HEXB: variants seen among roughly 807,000 people sequenced by gnomAD.
HEXB encodes the protein hexosaminidase subunit beta.
HEXB carries 51 observed loss-of-function variants against 71.2 expected under a neutral mutation model. The observed-to-expected ratio is 0.72, with a 90% CI of 0.57 to 0.90. The LOEUF (loss-of-function observed/expected upper bound fraction) is 0.90, where lower values mean the gene tolerates loss of function less well. Ranked by LOEUF, HEXB falls within the 40% of genes least tolerant of loss-of-function variation. The pLI, the probability that HEXB is intolerant of heterozygous loss-of-function variation, is 0.00. For synonymous variants in HEXB, 266 were observed against 249.3 expected (o/e 1.07, Z -0.63); for missense variants, 617 against 677.0 (o/e 0.91, Z 0.98).
intron 2 of HEXB, among the ~76,000 whole-genome samples, chr5:74,693,005 A>G (rs1451480117): frequency 6.6e-6 from 1 of 152,220 alleles, no homozygotes; most frequent in Non-Finnish European, 1.5e-5. Context: ...TGAGTGGGAC[A>G]AAGCTGAATT....
intron 1 of HEXB, among the ~76,000 whole-genome samples, chr5:74,668,233 T>C (rs760895878): frequency 6.3e-4 from 46 of 72,950 alleles, no homozygotes; most frequent in Admixed American, 2.3e-3. Flanking sequence ...GTTTTGTTTG[T>C]GTGTGTGTGT....
chr5:74,687,824 A>G (rs1748907790), intron 1 of HEXB, among the ~76,000 whole-genome samples: 1 of 152,116 alleles, frequency 6.6e-6, no homozygotes, highest in African/African-American at 2.4e-5. Context: ...ACCTACATCC[A>G]TTCCATTCTC....
chr5:74,713,997 C>T (rs1441384064), intron 7 of HEXB, among the ~76,000 whole-genome samples: 2 of 152,132 alleles, frequency 1.3e-5, no homozygotes, highest in Non-Finnish European at 2.9e-5. Flanking sequence ...CCCGCCACCA[C>T]GCTAATTTTT....
chr5:74,698,464 T>C (rs1243821372), intron 5 of HEXB, among the ~76,000 whole-genome samples: 1 of 151,756 alleles, frequency 6.6e-6, no homozygotes, highest in Non-Finnish European at 1.5e-5. Flanking sequence ...CAATCTTGGC[T>C]CACTGCAACC....
Position 74,652,660 on chromosome 5 carries a change from C to T in HEXB, c.-377+12102C>T, listed in dbSNP as rs1437863793. Among the ~76,000 whole-genome samples, 1 of 152,170 alleles carries T rather than the reference C, an allele frequency of 6.6e-6. No individual in the cohort carries two copies. The highest frequency in any genetic ancestry group is 2.4e-5 in the African/African-American group (1 of 41,454). ...TAAGGGATTCCCTCCCTTACCCCCA[C>T]TACCCCCAGGATTGTGTCCAAGTTC... is the stretch of plus-strand genomic sequence containing the variant. On this transcript the variant is annotated intron_variant, in intron 1 of 13. Coordinates refer to the HEXB transcript ENST00000511181. This position sits in a 1 kb window ranked among gnomAD's most constrained non-coding sequence, Gnocchi z 5.4.
chr5:74,690,649 C>CAAAA (rs60786265), intron 2 of HEXB, among the ~76,000 whole-genome samples: 11 of 59,700 alleles, frequency 1.8e-4, no homozygotes, highest in Admixed American at 4.8e-4. Context: ...GAGACAGTCT[C>CAAAA]AAAAAAAAAA....
intron 1 of HEXB, among the ~76,000 whole-genome samples, chr5:74,672,503 A>G (rs932484467): frequency 2.0e-5 from 3 of 152,168 alleles, no homozygotes; most frequent in Admixed American, 6.5e-5. Flanking sequence ...GCTATAGACC[A>G]CACTGAATGC....
intron 1 of HEXB, among the ~76,000 whole-genome samples, chr5:74,647,232 T>C (rs964598442): frequency 1.9e-4 from 29 of 152,234 alleles, no homozygotes; most frequent in East Asian, 1.7e-3. Context: ...CAATTGACCG[T>C]TGTTTGAAGC....
At chr5:74,670,317 C>G (rs1179257998) in intron 1 of HEXB, among the ~76,000 whole-genome samples, 1 of 151,968 alleles carries the variant, frequency 6.6e-6, no homozygotes, top group Non-Finnish European at 1.5e-5. Context: ...TGGACTCAGC[C>G]ACACTGAGAG....
intron 6 of HEXB, among the ~76,000 whole-genome samples, chr5:74,710,840 A>G (rs1244391568): frequency 8.5e-5 from 13 of 152,232 alleles, no homozygotes; most frequent in African/African-American, 3.1e-4. Context: ...AATCAATATC[A>G]TGAAAATGGC....
intron 3 of HEXB, among the ~76,000 whole-genome samples, chr5:74,695,136 G>C (rs1308920846): frequency 6.6e-6 from 1 of 150,872 alleles, no homozygotes; most frequent in Non-Finnish European, 1.5e-5. Flanking sequence ...TATAATATTA[G>C]TGATTTTAAG....
intron 1 of HEXB, among the ~76,000 whole-genome samples, chr5:74,648,379 A>T (rs1160576403): frequency 6.6e-6 from 1 of 152,226 alleles, no homozygotes; most frequent in East Asian, 1.9e-4. Context: ...TATTAGTCAA[A>T]GTAGTAAACA....
chr5:74,721,046 C>CAATCT lies in HEXB; in HGVS notation c.1614-69_1614-65dup, dbSNP rs141358769. On this transcript the variant is annotated intron_variant, in intron 13 of 13. Coordinates refer to ENST00000261416, the MANE Select transcript of HEXB (RefSeq NM_000521.4). ...TAAGTTTCTAAGATGACATGAATATCAATCTAAAATATCTTTATGAATGAT... is the reference window on the plus strand; with the variant it reads ...TAAGTTTCTAAGATGACATGAATATCAATCTAATCTAAAATATCTTTATGAATGAT... The CAATCT allele has an allele frequency of 3.9e-3, 4,694 of 1,202,750 alleles. 19 individuals are homozygous for CAATCT. Among genetic ancestry groups the CAATCT allele is most frequent in the Non-Finnish European group, 4.3e-3 (3,518 of 820,954 alleles). 74.5% of individuals were successfully genotyped at this position (1,202,750 alleles called of 1,614,324 possible). A position where few individuals can be genotyped will look rare whatever the true frequency, so the allele number is the denominator to read the frequency against.
At chr5:74,661,242 C>T (rs535486888) in intron 1 of HEXB, among the ~76,000 whole-genome samples, 2 of 152,220 alleles carry the variant, frequency 1.3e-5, no homozygotes, top group African/African-American at 4.8e-5. Context: ...GAACATAAAT[C>T]GAAATCCACA....
chr5:74,706,463 G>A (rs1580389697), intron 6 of HEXB, among the ~76,000 whole-genome samples: 2 of 152,318 alleles, frequency 1.3e-5, no homozygotes, highest in South Asian at 2.1e-4. Context: ...TGGGTGCAGC[G>A]CATCATGCGC....
At chr5:74,671,612 T>C (rs373397465) in intron 1 of HEXB, among the ~76,000 whole-genome samples, 1 of 152,178 alleles carries the variant, frequency 6.6e-6, no homozygotes, top group East Asian at 1.9e-4. Context: ...CAATATCTGA[T>C]TGTGGCAATG....
chr5:74,713,677 T>C (rs759294982), intron 7 of HEXB, 42 bp downstream of exon 7: 1 of 1,545,770 alleles, frequency 6.5e-7, no homozygotes, highest in Non-Finnish European at 8.9e-7. Flanking sequence ...TATTTTTTAT[T>C]TTTTGAGATG....
chr5:74,677,326 T>C (rs1304572054), intron 1 of HEXB, among the ~76,000 whole-genome samples: 1 of 152,184 alleles, frequency 6.6e-6, no homozygotes, highest in African/African-American at 2.4e-5. Context: ...CTTGCCTCTC[T>C]GGGCCTGCAG....
chr5:74,690,512 C>T (rs1338339376), intron 2 of HEXB, among the ~76,000 whole-genome samples: 2 of 151,646 alleles, frequency 1.3e-5, no homozygotes, highest in Non-Finnish European at 2.9e-5. Context: ...GTTAGCCAAG[C>T]GTGTTGGTGC....
Sources: gnomAD v4.1 joint callset for allele counts (sites outside exome capture counted in the v4.1 genomes callset) on GRCh38, gnomAD v4.1.1 for gene constraint, Gnocchi (gnomAD v3.1) non-coding constraint, MANE v1.5 for transcripts, NCBI Gene and HGNC (gene_info 2026-07-23, HGNC 2026-07-21) for gene names.